The following COL25A1 variants were observed in gnomAD, a reference collection of about 807,000 sequenced individuals.
COL25A1 encodes collagen type XXV alpha 1 chain.
COL25A1 carries 103 observed loss-of-function variants against 128.4 expected under a neutral mutation model. That is an observed-to-expected ratio of 0.80 (90% CI 0.68 to 0.94). COL25A1 has a LOEUF of 0.94. Ranked by LOEUF, COL25A1 falls within the 40% of genes least tolerant of loss-of-function variation. COL25A1 has a pLI of 0.00. For synonymous variants in COL25A1, 279 were observed against 277.2 expected (o/e 1.01, Z -0.06); for missense variants, 745 against 840.0 (o/e 0.89, Z 1.40).
At chr4:108,910,399 GA>G (rs1386712001) in intron 13 of COL25A1, among the ~76,000 whole-genome samples, 1 of 152,126 alleles carries the variant, frequency 6.6e-6, no homozygotes, top group African/African-American at 2.4e-5. Flanking sequence ...ATTCAAAGAG[GA>G]AAACAATCTA....
At chr4:109,250,187 G>A (rs1469409440) in intron 3 of COL25A1, among the ~76,000 whole-genome samples, 1 of 152,066 alleles carries the variant, frequency 6.6e-6, no homozygotes, top group African/African-American at 2.4e-5. Context: ...ATGTCAGCTT[G>A]ATAGATTTGC....
At chr4:109,300,181 CAAAAAA>C in intron 3 of COL25A1, among the ~76,000 whole-genome samples, 1 of 126,042 alleles carries the variant, frequency 7.9e-6, no homozygotes, top group Non-Finnish European at 1.8e-5. Context: ...TAAACCAAAA[CAAAAAA>C]AAAAAAAAAC....
At chr4:109,280,022 A>G (rs1297769479) in intron 3 of COL25A1, among the ~76,000 whole-genome samples, 1 of 152,222 alleles carries the variant, frequency 6.6e-6, no homozygotes, top group African/African-American at 2.4e-5. Flanking sequence ...TGAGGAAACT[A>G]GAGTTCCTGG....
At chr4:109,054,258 A>G (rs937339682) in intron 3 of COL25A1, among the ~76,000 whole-genome samples, 16 of 152,224 alleles carry the variant, frequency 1.1e-4, no homozygotes, top group African/African-American at 3.9e-4. Context: ...TATACTAAAG[A>G]CAACATGGAA....
At chr4:108,937,777 A>C in intron 11 of COL25A1, 31 bp downstream of exon 11, 1 of 1,570,418 alleles carries the variant, frequency 6.4e-7, no homozygotes, top group South Asian at 1.1e-5. Flanking sequence ...AACCAGGCTT[A>C]GTATAGAAAA....
chr4:109,018,146 G>A (rs1757386093), intron 5 of COL25A1, among the ~76,000 whole-genome samples: 1 of 152,048 alleles, frequency 6.6e-6, no homozygotes, highest in Admixed American at 6.6e-5. Flanking sequence ...GCAGCTGCAG[G>A]ATTGTTCTGG....
chr4:108,985,786 A>G (rs773056400), intron 6 of COL25A1, among the ~76,000 whole-genome samples: 2 of 152,170 alleles, frequency 1.3e-5, no homozygotes, highest in Non-Finnish European at 2.9e-5. Context: ...GCTATGAAAT[A>G]TATACCCTTA....
intron 6 of COL25A1, among the ~76,000 whole-genome samples, chr4:109,001,422 C>T (rs1755396552): frequency 1.3e-5 from 2 of 152,242 alleles, no homozygotes; most frequent in African/African-American, 4.8e-5. Flanking sequence ...GTCAGGTAGG[C>T]AGTGAGCTAG....
At position 108,905,627 on chromosome 4, in the gene COL25A1, G is replaced by C. The variant is rs372869224; in HGVS notation, c.781-4455C>G. Reference sequence around the variant, plus strand: ...AAAATTACATATGCAGTTTGTATTTGAGGTTTGCATTATATTTCTGTTTCT... The same window carrying C: ...AAAATTACATATGCAGTTTGTATTTCAGGTTTGCATTATATTTCTGTTTCT... On this transcript the variant is annotated intron_variant, in intron 13 of 37. Coordinates refer to ENST00000399132, the MANE Select transcript of COL25A1 (RefSeq NM_198721.4). Among the ~76,000 whole-genome samples, 330 of 151,848 alleles carry C rather than the reference G, an allele frequency of 2.2e-3. 1 individual carries two copies. Among genetic ancestry groups the C allele is most frequent in the African/African-American group, 7.6e-3 (313 of 41,416 alleles).
intron 13 of COL25A1, among the ~76,000 whole-genome samples, chr4:108,909,897 T>C (rs1744007189): frequency 6.6e-6 from 1 of 152,324 alleles, no homozygotes; most frequent in South Asian, 2.1e-4. Flanking sequence ...GGGGATTACA[T>C]GTGAACACCA....
At chr4:109,172,017 C>T (rs987741620) in intron 3 of COL25A1, among the ~76,000 whole-genome samples, 1 of 152,086 alleles carries the variant, frequency 6.6e-6, no homozygotes, top group African/African-American at 2.4e-5. Flanking sequence ...GGGTTAGGAC[C>T]TGATACAATC....
chr4:109,212,881 C>A (rs957943048), intron 3 of COL25A1, among the ~76,000 whole-genome samples: 1 of 152,070 alleles, frequency 6.6e-6, no homozygotes, highest in Non-Finnish European at 1.5e-5. Flanking sequence ...CTGTCTTCTG[C>A]GGCAGAAGAC....
intron 11 of COL25A1, among the ~76,000 whole-genome samples, chr4:108,924,465 T>C (rs774459619): frequency 1.2e-4 from 19 of 152,198 alleles, no homozygotes; most frequent in Non-Finnish European, 2.2e-4. Context: ...AGACCCCATG[T>C]TGGTGACTGT....
At chr4:109,174,801 C>G (rs1341616670) in intron 3 of COL25A1, among the ~76,000 whole-genome samples, 1 of 152,188 alleles carries the variant, frequency 6.6e-6, no homozygotes, top group Non-Finnish European at 1.5e-5. Context: ...TTCTTATAGA[C>G]TAGGGGTCCT....
chr4:108,960,779 T>C (rs1376492123), intron 8 of COL25A1, among the ~76,000 whole-genome samples: 1 of 152,006 alleles, frequency 6.6e-6, no homozygotes, highest in Non-Finnish European at 1.5e-5. Context: ...TCAAGGTAAA[T>C]ATTTGCTTTT....
intron 31 of COL25A1, among the ~76,000 whole-genome samples, chr4:108,840,482 A>C (rs112932200): frequency 4.1e-3 from 626 of 152,220 alleles, no homozygotes; most frequent in Middle Eastern, 0.01. Flanking sequence ...AGGCATGAAC[A>C]CATTCTTGGG....
chr4:109,027,873 G>C (rs1466350993), intron 5 of COL25A1, among the ~76,000 whole-genome samples: 2 of 152,144 alleles, frequency 1.3e-5, no homozygotes, highest in Non-Finnish European at 2.9e-5. Context: ...TGGAATTCCA[G>C]CATTTGGTTT....
intron 6 of COL25A1, among the ~76,000 whole-genome samples, chr4:108,990,016 C>A (rs189696197): frequency 6.6e-6 from 1 of 151,374 alleles, no homozygotes; most frequent in Non-Finnish European, 1.5e-5. Flanking sequence ...AGTTTGAGAC[C>A]AGCCTGCACA....
chr4:108,867,270 C>T (rs753619615), intron 20 of COL25A1, among the ~76,000 whole-genome samples: 23 of 152,182 alleles, frequency 1.5e-4, no homozygotes, highest in South Asian at 4.1e-4. Context: ...TTGACCAGGC[C>T]GCCCTTTCTT....
Sources: gnomAD v4.1 joint callset for allele counts (sites outside exome capture counted in the v4.1 genomes callset) on GRCh38, gnomAD v4.1.1 for gene constraint, MANE v1.5 for transcripts, NCBI Gene and HGNC (gene_info 2026-07-23, HGNC 2026-07-21) for gene names.